ASCC1: variants seen among roughly 807,000 people sequenced by gnomAD.
ASCC1 encodes activating signal cointegrator 1 complex subunit 1, also known as ASC-1 complex subunit P50.
Under a neutral mutation model 46.6 loss-of-function variants are expected in ASCC1, and 35 were observed. The observed-to-expected ratio is 0.75, with a 90% CI of 0.57 to 0.99. The LOEUF is 0.99. ASCC1 is among the 50% of genes least tolerant of loss of function. The pLI is 0.00. For missense variants in ASCC1, 376 were observed against 428.7 expected (o/e 0.88, Z 1.09); for synonymous variants, 143 against 146.6 (o/e 0.98, Z 0.18).
At chr10:72,168,456 C>G (rs1343526458) in intron 5 of ASCC1, among the ~76,000 whole-genome samples, 1 of 152,202 alleles carries the variant, frequency 6.6e-6, no homozygotes, top group African/African-American at 2.4e-5. Flanking sequence ...GACACAGGCA[C>G]TTTCATACAT....
intron 9 of ASCC1, among the ~76,000 whole-genome samples, chr10:72,118,998 C>T (rs1377516341): frequency 6.6e-6 from 1 of 152,070 alleles, no homozygotes; most frequent in Admixed American, 6.5e-5. Context: ...AGACTGAGGT[C>T]GGGGACAAAT....
In ASCC1 at chr10:72,096,850, C is replaced by A. The variant is rs1459367889; in HGVS notation, c.*484G>T. ...TGTATGATTCCACTTATATGAGATACTGAGAATAGTCAAAACCAGAGAGAC... is the reference window on the plus strand; with the variant it reads ...TGTATGATTCCACTTATATGAGATAATGAGAATAGTCAAAACCAGAGAGAC... On this transcript the variant is annotated 3_prime_UTR_variant, in exon 10 of 10. Coordinates refer to ENST00000672957, the MANE Select transcript of ASCC1 (RefSeq NM_001198800.3). 2.2e-6 allele frequency: 1 copy of A among 454,082 alleles called. No individual in the cohort carries two copies. 28.1% of individuals were successfully genotyped at this position (454,082 alleles called of 1,614,324 possible).
At chr10:72,172,624 G>A (rs1381777149) in intron 5 of ASCC1, among the ~76,000 whole-genome samples, 1 of 145,958 alleles carries the variant, frequency 6.9e-6, no homozygotes. Context: ...GGGATTACAG[G>A]CATGAGCCAC....
At position 72,213,173 on chromosome 10, in the gene ASCC1, G is replaced by C; in HGVS notation, c.112+14C>G. The stretch of plus-strand genomic sequence containing the variant: ...ATTTTACTTCTTATCTGACCAAAGA[G>C]CAACTAGGATTACCTTGATAGAAGT... On this transcript the variant is annotated intron_variant, in intron 2 of 9. Transcript: ENST00000672957. 6.4e-7 allele frequency: 1 copy of C among 1,559,544 alleles called. No homozygotes were observed. Among genetic ancestry groups the C allele is most frequent in the Non-Finnish European group, 8.8e-7 (1 of 1,131,124 alleles).
At chr10:72,204,648 A>G in intron 3 of ASCC1, 1 of 1,168,112 alleles carries the variant, frequency 8.6e-7, no homozygotes, top group Non-Finnish European at 1.2e-6. Context: ...ACGGATGACT[A>G]TGTCTAAAAC....
intron 9 of ASCC1, among the ~76,000 whole-genome samples, chr10:72,113,927 T>C (rs1302585954): frequency 1.3e-5 from 2 of 152,214 alleles, no homozygotes; most frequent in African/African-American, 4.8e-5. Context: ...ACAATCTCCT[T>C]CCTAAACTTT....
chr10:72,161,531 TACTC>T lies in ASCC1; in HGVS notation c.626+3_626+6del. ...CCACCCAACCCCCATCCCTGAGAAT[TACTC>T]ACTTAATGAATTCCTCTTTACACTG... On this transcript the variant is annotated splice_donor_5th_base_variant and intron_variant, in intron 6 of 9. Transcript: ENST00000672957. 1 of 1,614,134 alleles carries T rather than the reference TACTC, an allele frequency of 6.2e-7. No individual in the cohort carries two copies. The highest frequency in any genetic ancestry group is 8.5e-7 in the Non-Finnish European group (1 of 1,180,014).
intron 8 of ASCC1, among the ~76,000 whole-genome samples, chr10:72,132,297 T>C (rs993764701): frequency 6.6e-6 from 1 of 152,174 alleles, no homozygotes; most frequent in African/African-American, 2.4e-5. Context: ...ATGGCTTGAA[T>C]GTGTGACTCC....
At chr10:72,149,403 A>G (rs1433403595) in intron 7 of ASCC1, among the ~76,000 whole-genome samples, 1 of 129,562 alleles carries the variant, frequency 7.7e-6, no homozygotes, top group Admixed American at 1.0e-4. Context: ...ACGCCACTGC[A>G]CTCCCGCCTG....
At chr10:72,128,438 T>C (rs1845153299) in intron 8 of ASCC1, among the ~76,000 whole-genome samples, 1 of 152,242 alleles carries the variant, frequency 6.6e-6, no homozygotes, top group African/African-American at 2.4e-5. Context: ...TGCAACTAGC[T>C]ACATTATTAG....
At chr10:72,160,849 C>T (rs1485627403) in intron 6 of ASCC1, among the ~76,000 whole-genome samples, 1 of 149,270 alleles carries the variant, frequency 6.7e-6, no homozygotes, top group Non-Finnish European at 1.5e-5. Flanking sequence ...TTTGGGAGGC[C>T]AAGGCGGGCG....
At chr10:72,175,479 T>C (rs941799662) in intron 5 of ASCC1, among the ~76,000 whole-genome samples, 4 of 152,238 alleles carry the variant, frequency 2.6e-5, no homozygotes, top group Non-Finnish European at 2.9e-5. Flanking sequence ...TGCAAGTCAC[T>C]ATGTGTTATT....
chr10:72,209,360 C>T lies in ASCC1; in HGVS notation c.212+1372G>A, dbSNP rs114135572. ...ATTAGCCAGGCTTGGTGGTGTGTGC[C>T]GGTTCCAGCTACTTGGGAGGCTGAG... On this transcript the variant is annotated intron_variant, in intron 3 of 9. Transcript: ENST00000672957. Among the ~76,000 whole-genome samples, 554 of 151,996 alleles carry T rather than the reference C, an allele frequency of 3.6e-3. 5 individuals are homozygous for T. The highest frequency in any genetic ancestry group is 0.022 in the East Asian group (112 of 5,160).
chr10:72,197,275 T>A (rs1855578914), intron 4 of ASCC1, among the ~76,000 whole-genome samples: 1 of 151,596 alleles, frequency 6.6e-6, no homozygotes, highest in South Asian at 2.1e-4. Flanking sequence ...ATCGAGACCA[T>A]CCTGGCTAAC....
chr10:72,131,399 C>T (rs770411503), intron 8 of ASCC1, among the ~76,000 whole-genome samples: 26 of 150,058 alleles, frequency 1.7e-4, no homozygotes, highest in Admixed American at 3.3e-4. Flanking sequence ...CCGGCCTGGG[C>T]GACAGAGCAA....
intron 9 of ASCC1, among the ~76,000 whole-genome samples, chr10:72,107,403 T>C (rs896943104): frequency 6.6e-6 from 1 of 151,644 alleles, no homozygotes; most frequent in Non-Finnish European, 1.5e-5. Flanking sequence ...ATACCGTGCA[T>C]TTGTCTTCTG....
At chr10:72,123,894 T>C (rs1332830792) in intron 9 of ASCC1, among the ~76,000 whole-genome samples, 1 of 152,342 alleles carries the variant, frequency 6.6e-6, no homozygotes, top group East Asian at 1.9e-4. Flanking sequence ...TTGTTAAACA[T>C]TAAATGTACG....
In ASCC1 at chr10:72,194,075, G is replaced by A. The variant is rs569052830; in HGVS notation, c.489+2736C>T. 4.6e-5 allele frequency among the ~76,000 whole-genome samples: 7 copies of A among 151,116 alleles called. No individual in the cohort carries two copies. In the South Asian group the frequency reaches 1.0e-3, roughly 23 times the overall value. On this transcript the variant is annotated intron_variant, in intron 5 of 9. Coordinates refer to ENST00000672957, the MANE Select transcript of ASCC1 (RefSeq NM_001198800.3). ...GCCAGGATGGTCTCAATCTAGAGAC[G>A]GGGTTTCACCATGTTAGCCAGGATG...
intron 7 of ASCC1, among the ~76,000 whole-genome samples, chr10:72,142,365 CTT>C (rs71018255): frequency 1.3e-4 from 18 of 137,044 alleles, no homozygotes; most frequent in Non-Finnish European, 1.1e-4. Flanking sequence ...GCAGATTTCA[CTT>C]TTTTTTTTTT....
Sources: gnomAD v4.1 joint callset for allele counts (sites outside exome capture counted in the v4.1 genomes callset) on GRCh38, gnomAD v4.1.1 for gene constraint, MANE v1.5 for transcripts, NCBI Gene and HGNC (gene_info 2026-07-23, HGNC 2026-07-21) for gene names.